The following FGR variants were observed in gnomAD, a reference collection of about 807,000 sequenced individuals.
FGR encodes the protein tyrosine-protein kinase Fgr.
Under a neutral mutation model 63.2 loss-of-function variants are expected in FGR, and 26 were observed. The ratio of observed to expected loss-of-function variants is 0.41; its 90% CI spans 0.30 to 0.57. FGR has a LOEUF of 0.57. FGR is among the 20% of genes least tolerant of loss of function. The probability of loss-of-function intolerance (pLI) is 0.27; values close to 1 mark genes in which losing one functional copy is unlikely to be tolerated. For missense variants in FGR, 511 were observed against 690.8 expected (o/e 0.74, Z 2.92); for synonymous variants, 286 against 277.7 (o/e 1.03, Z -0.30).
At chr1:27,614,960 C>A in intron 9 of FGR, 34 bp from the exon 10 acceptor site, 1 of 1,548,160 alleles carries the variant, frequency 6.5e-7, no homozygotes, top group African/African-American at 1.4e-5. Context: ...CGGCAAAGCC[C>A]TACCCCGGGC....
chr1:27,623,378 CT>C, intron 3 of FGR: 1 of 597,550 alleles, frequency 1.7e-6, no homozygotes, highest in Non-Finnish European at 3.0e-6. Flanking sequence ...CCCACTCCTC[CT>C]CTTCCCCACC....
At chr1:27,620,864 TAA>T (rs575141015) in intron 5 of FGR, among the ~76,000 whole-genome samples, 1 of 132,384 alleles carries the variant, frequency 7.6e-6, no homozygotes. Context: ...CATCTCTACT[TAA>T]AAAAAAAAAT....
intron 5 of FGR, among the ~76,000 whole-genome samples, chr1:27,620,445 T>C (rs1218479936): frequency 6.6e-6 from 1 of 151,824 alleles, no homozygotes; most frequent in Non-Finnish European, 1.5e-5. Context: ...AAGATTCTGC[T>C]TCTATAAAAA....
rs1482070185 is a variant in FGR, at chr1:27,615,267, G to T, written c.1018+167C>A. Among the ~76,000 whole-genome samples, 1 of 151,972 alleles carries T rather than the reference G, an allele frequency of 6.6e-6. No homozygotes were observed. Among genetic ancestry groups the T allele is most frequent in the Non-Finnish European group, 1.5e-5 (1 of 67,982 alleles). ...CCCCAGCTCCCTAGTGGTCTCACTC[G>T]GCCCGGCTCCCACCTCAGCCCTCCA... On this transcript the variant is annotated intron_variant, in intron 9 of 12. Transcript: ENST00000374005. This position sits in a 1 kb window ranked among gnomAD's most constrained non-coding sequence, Gnocchi z 7.6.
intron 1 of FGR, chr1:27,626,408 A>G: frequency 2.6e-6 from 1 of 390,920 alleles, no homozygotes; most frequent in Non-Finnish European, 4.5e-6. Context: ...CCTTACAGAT[A>G]TTCTCTTCCT....
Position 27,623,681 on chromosome 1 carries a change from T to C in FGR, c.226+10A>G. The C allele has an allele frequency of 1.9e-6, 3 of 1,613,956 alleles. No individual in the cohort carries two copies. Among genetic ancestry groups the C allele is most frequent in the African/African-American group, 1.3e-5 (1 of 75,050 alleles). ...CCAGGCAGCTCCTGCCTCCGACCCC[T>C]TGGACTCACCTGACACACCCCTGAT... On this transcript the variant is annotated intron_variant, in intron 3 of 12. Coordinates refer to ENST00000374005, the MANE Select transcript of FGR (RefSeq NM_005248.3).
At chr1:27,634,341 G>C (rs911335181) in intron 1 of FGR, among the ~76,000 whole-genome samples, 8 of 152,144 alleles carry the variant, frequency 5.3e-5, no homozygotes, top group African/African-American at 1.9e-4. Context: ...TGTCCCTGCC[G>C]AGGGCGGGGA....
chr1:27,630,505 T>C (rs1047753767), intron 1 of FGR, among the ~76,000 whole-genome samples: 1 of 151,964 alleles, frequency 6.6e-6, no homozygotes, highest in Non-Finnish European at 1.5e-5. Context: ...GAGCACCTAG[T>C]GTTCTCAGCC....
intron 1 of FGR, among the ~76,000 whole-genome samples, chr1:27,634,693 C>A (rs951681770): frequency 6.6e-6 from 1 of 151,954 alleles, no homozygotes; most frequent in Non-Finnish European, 1.5e-5. Context: ...CTCTCACGAT[C>A]CCTTCAGTTT....
At position 27,615,955 on chromosome 1, in the gene FGR, G is replaced by T. The variant is rs115801125; in HGVS notation, c.683-111C>A. 132 of 1,231,658 alleles carry T rather than the reference G, an allele frequency of 1.1e-4. No homozygotes were observed. The African/African-American group carries it at 1.8e-3, about 17-fold the overall frequency. 76.3% of individuals were successfully genotyped at this position (1,231,658 alleles called of 1,614,324 possible). A position where few individuals can be genotyped will look rare whatever the true frequency, so the allele number is the denominator to read the frequency against. On this transcript the variant is annotated intron_variant, in intron 7 of 12. Coordinates refer to ENST00000374005, the MANE Select transcript of FGR (RefSeq NM_005248.3). This position sits in a 1 kb window ranked among gnomAD's most constrained non-coding sequence, Gnocchi z 7.6. The stretch of plus-strand genomic sequence containing the variant: ...CCTAAGATCAGTTATAAGGAACTAG[G>T]CCCCAAGTGAGGTCACAGGCCAGGA...
chr1:27,628,516 TACACACACACACACAC>T (rs56021900), intron 1 of FGR, among the ~76,000 whole-genome samples: 10 of 91,212 alleles, frequency 1.1e-4, no homozygotes, highest in Admixed American at 6.0e-4. Flanking sequence ...CATGTAGGGA[TACACACACACACACAC>T]ACACACACAC....
At position 27,617,189 on chromosome 1, in the gene FGR, C is replaced by G. The variant is rs747639599; in HGVS notation, c.532+4G>C. ...GTCGCCTTGGGGCGTGGCACCACCCCTACCTTTGGTGGTCTCGCTTTCCCG... is the reference window on the plus strand; with the variant it reads ...GTCGCCTTGGGGCGTGGCACCACCCGTACCTTTGGTGGTCTCGCTTTCCCG... On this transcript the variant is annotated splice_donor_region_variant and intron_variant, in intron 6 of 12. Coordinates refer to ENST00000374005, the MANE Select transcript of FGR (RefSeq NM_005248.3). This position sits in a 1 kb window ranked among gnomAD's most constrained non-coding sequence, Gnocchi z 4.5. 1.3e-5 allele frequency: 21 copies of G among 1,612,870 alleles called. No individual in the cohort carries two copies. In the South Asian group the frequency reaches 2.3e-4, roughly 18 times the overall value.
At chr1:27,632,798 G>A (rs555366083) in intron 1 of FGR, among the ~76,000 whole-genome samples, 31 of 152,284 alleles carry the variant, frequency 2.0e-4, no homozygotes, top group Admixed American at 5.2e-4. Flanking sequence ...ATTTCACAGT[G>A]TGGCCAGACA....
chr1:27,626,362 C>T (rs2090021705), intron 1 of FGR: 1 of 396,952 alleles, frequency 2.5e-6, no homozygotes, highest in Non-Finnish European at 4.4e-6. Flanking sequence ...AAGAAAGGGC[C>T]CCCAGCTTCT....
chr1:27,622,054 G>A (rs1307291381), intron 4 of FGR, among the ~76,000 whole-genome samples: 1 of 152,186 alleles, frequency 6.6e-6, no homozygotes, highest in East Asian at 1.9e-4. Context: ...GCTCATGCCT[G>A]TAATTCCAGC....
At chr1:27,625,669 A>G (rs56243756) in intron 1 of FGR, among the ~76,000 whole-genome samples, 22,786 of 152,186 alleles carry the variant, frequency 0.15, 4,982 homozygotes, top group African/African-American at 0.48. Context: ...GGCCAGGCGC[A>G]GTGGCTCACG....
At chr1:27,613,658 C>T (rs2089740902) in intron 11 of FGR, among the ~76,000 whole-genome samples, 1 of 142,892 alleles carries the variant, frequency 7.0e-6, no homozygotes, top group Non-Finnish European at 1.5e-5. Context: ...GATCGCACCA[C>T]TGCACTTCAG....
At chr1:27,627,851 C>T (rs981965845) in intron 1 of FGR, among the ~76,000 whole-genome samples, 1 of 152,250 alleles carries the variant, frequency 6.6e-6, no homozygotes, top group Admixed American at 6.5e-5. Flanking sequence ...TCAAGTGATC[C>T]ACCTGCCTTG....
intron 1 of FGR, among the ~76,000 whole-genome samples, chr1:27,630,408 T>C (rs2090089472): frequency 1.3e-5 from 2 of 152,218 alleles, no homozygotes; most frequent in Non-Finnish European, 2.9e-5. Flanking sequence ...GTATTTTATG[T>C]GTGGCTCAAG....
Sources: allele counts gnomAD v4.1 joint callset (sites outside exome capture counted in the v4.1 genomes callset), GRCh38; gene constraint gnomAD v4.1.1; non-coding constraint Gnocchi (gnomAD v3.1); transcripts MANE v1.5; gene names NCBI Gene and HGNC (gene_info 2026-07-23, HGNC 2026-07-21).